CYB5R4: variants seen among roughly 807,000 people sequenced by gnomAD.
CYB5R4 encodes the protein cytochrome b5 reductase 4.
Under a neutral mutation model 70.2 loss-of-function variants are expected in CYB5R4, and 55 were observed. The observed-to-expected ratio is 0.78, with a 90% confidence interval of 0.63 to 0.98. The LOEUF is 0.98. Among genes scored for constraint, CYB5R4 ranks in the 50% least tolerant of loss-of-function variants. The pLI, the probability that CYB5R4 is intolerant of heterozygous loss-of-function variation, is 0.00. For missense variants in CYB5R4, 562 were observed against 612.6 expected, an observed-to-expected ratio of 0.92 and a Z score of 0.87; for synonymous variants, 197 against 199.5, an observed-to-expected ratio of 0.99 and a Z score of 0.11.
chr6:83,944,874 G>A (rs944253658), intron 14 of CYB5R4, among the ~76,000 whole-genome samples: 1 of 152,134 alleles, frequency 6.6e-6, no homozygotes, highest in Non-Finnish European at 1.5e-5. Context: ...AACAAGAAGA[G>A]CTAACTGTCC....
intron 9 of CYB5R4, 54 bp downstream of exon 9, chr6:83,922,524 CAG>C: frequency 3.2e-5 from 40 of 1,253,474 alleles, no homozygotes; most frequent in Admixed American, 6.2e-5. Flanking sequence ...CACATACCTA[CAG>C]AGAGAGAGAT....
At chr6:83,890,059 C>G (rs372452038) in intron 2 of CYB5R4, among the ~76,000 whole-genome samples, 1 of 152,162 alleles carries the variant, frequency 6.6e-6, no homozygotes, top group Non-Finnish European at 1.5e-5. Flanking sequence ...CCTTCTAACA[C>G]GGCATCCATC....
chr6:83,923,087 C>T (rs757313186), intron 9 of CYB5R4, among the ~76,000 whole-genome samples: 10 of 149,222 alleles, frequency 6.7e-5, no homozygotes, highest in Non-Finnish European at 8.9e-5. Flanking sequence ...CTTCATTCCT[C>T]GTATCTGCCC....
chr6:83,942,730 C>A (rs770487580), intron 14 of CYB5R4, among the ~76,000 whole-genome samples: 24 of 152,222 alleles, frequency 1.6e-4, no homozygotes, highest in Non-Finnish European at 3.5e-4. Flanking sequence ...ATTCTCGCTG[C>A]AAGCACAGCA....
intron 7 of CYB5R4, 59 bp from the exon 8 acceptor site, chr6:83,921,023 G>T: frequency 7.8e-7 from 1 of 1,285,426 alleles, no homozygotes; most frequent in Non-Finnish European, 1.0e-6. Context: ...AAGTATAGTT[G>T]TAGAAGTTTG....
chr6:83,887,578 A>T (rs1429310094), intron 2 of CYB5R4, among the ~76,000 whole-genome samples: 1 of 152,154 alleles, frequency 6.6e-6, no homozygotes, highest in Non-Finnish European at 1.5e-5. Flanking sequence ...TTAGCTATAC[A>T]GTGTACCCCT....
chr6:83,914,594 G>A (rs1588574669), intron 5 of CYB5R4, 146 bp downstream of exon 5: 3 of 651,186 alleles, frequency 4.6e-6, no homozygotes, highest in Non-Finnish European at 2.3e-6. Context: ...CTGGAGTGCA[G>A]TGGCACCATC....
At chr6:83,934,449 A>G in intron 10 of CYB5R4, 146 bp from the exon 11 acceptor site, 1 of 562,022 alleles carries the variant, frequency 1.8e-6, no homozygotes, top group Admixed American at 3.5e-5. Flanking sequence ...ACCTTAAAAT[A>G]TTGATTAATT....
At chr6:83,917,677 A>G (rs1562838675) in intron 5 of CYB5R4, among the ~76,000 whole-genome samples, 1 of 152,156 alleles carries the variant, frequency 6.6e-6, no homozygotes, top group African/African-American at 2.4e-5. Flanking sequence ...AAGCCAGACT[A>G]AAAGAGAACA....
chr6:83,898,760 CTG>C (rs922029123), intron 3 of CYB5R4, among the ~76,000 whole-genome samples: 6 of 151,996 alleles, frequency 3.9e-5, no homozygotes, highest in Non-Finnish European at 5.9e-5. Context: ...ATTTGGCTCT[CTG>C]TTTGTCTGTT....
chr6:83,943,111 G>T (rs1482297202), intron 14 of CYB5R4, among the ~76,000 whole-genome samples: 2 of 152,174 alleles, frequency 1.3e-5, no homozygotes, highest in East Asian at 3.9e-4. Context: ...CTCGAGCTCT[G>T]CTAAGTGACC....
chr6:83,952,937 G>A (rs1191572771), intron 14 of CYB5R4, among the ~76,000 whole-genome samples: 1 of 152,142 alleles, frequency 6.6e-6, no homozygotes. Flanking sequence ...GATGCCAGAA[G>A]CAGAAGTAAA....
chr6:83,924,205 T>G (rs546017099), intron 9 of CYB5R4, among the ~76,000 whole-genome samples: 1 of 151,708 alleles, frequency 6.6e-6, no homozygotes, highest in Admixed American at 6.6e-5. Flanking sequence ...TTGAGCTTGT[T>G]TGAAAACCAG....
At chr6:83,873,235 CTTTTTTTTTTT>C (rs927399068) in intron 2 of CYB5R4, among the ~76,000 whole-genome samples, 2 of 99,782 alleles carry the variant, frequency 2.0e-5, no homozygotes, top group African/African-American at 8.6e-5. Flanking sequence ...GGGTATCCTT[CTTTTTTTTTTT>C]TTTTTTTTTT....
intron 10 of CYB5R4, among the ~76,000 whole-genome samples, chr6:83,925,892 T>C (rs2129140769): frequency 6.6e-6 from 1 of 152,330 alleles, no homozygotes; most frequent in African/African-American, 2.4e-5. Flanking sequence ...CTTCTAGCTC[T>C]TCTATTGAGT....
intron 3 of CYB5R4, among the ~76,000 whole-genome samples, chr6:83,902,995 T>C (rs557049265): frequency 6.6e-6 from 1 of 152,226 alleles, no homozygotes; most frequent in African/African-American, 2.4e-5. Context: ...TTCTCTTTTC[T>C]AATATGGATG....
intron 7 of CYB5R4, 85 bp downstream of exon 7, chr6:83,919,539 T>C: frequency 1.6e-6 from 1 of 620,966 alleles, no homozygotes; most frequent in Non-Finnish European, 2.7e-6. Context: ...CTTTTTTATA[T>C]TATTTACTTC....
chr6:83,894,446 C>T lies in CYB5R4; in HGVS notation c.330+824C>T, dbSNP rs117710990. 5.4e-3 allele frequency among the ~76,000 whole-genome samples: 828 copies of T among 151,972 alleles called. 13 individuals are homozygous for T. Among genetic ancestry groups the T allele is most frequent in the East Asian group, 0.019 (99 of 5,162 alleles). ...TTTTTGATCAAATATAATTTGATTTCTGTTCTTCCTATTTTCTCATCCATT... is the reference window on the plus strand; with the variant it reads ...TTTTTGATCAAATATAATTTGATTTTTGTTCTTCCTATTTTCTCATCCATT... On this transcript the variant is annotated intron_variant, in intron 3 of 15. Transcript: ENST00000369681.
At chr6:83,941,439 A>G (rs2099469750) in intron 14 of CYB5R4, among the ~76,000 whole-genome samples, 1 of 152,208 alleles carries the variant, frequency 6.6e-6, no homozygotes, top group African/African-American at 2.4e-5. Context: ...GGCTTTATAA[A>G]TTACACAAAA....
Sources: allele counts gnomAD v4.1 joint callset (sites outside exome capture counted in the v4.1 genomes callset), GRCh38; gene constraint gnomAD v4.1.1; transcripts MANE v1.5; gene names NCBI Gene and HGNC (gene_info 2026-07-23, HGNC 2026-07-21).